Variants in FGD6 observed in about 807,000 individuals in gnomAD.
FGD6 encodes the protein FYVE, RhoGEF and PH domain-containing protein 6.
In FGD6, 90 loss-of-function variants were observed where a neutral mutation model predicts 149.4. That is an observed-to-expected ratio of 0.60 (90% CI 0.51 to 0.72). FGD6 has a LOEUF of 0.72. Ranked by LOEUF, FGD6 falls within the 30% of genes least tolerant of loss-of-function variation. The pLI is 0.00. For missense variants in FGD6, 1,437 were observed against 1,684.8 expected (o/e 0.85, Z 2.57); for synonymous variants, 527 against 584.0 (o/e 0.90, Z 1.41).
intron 3 of FGD6, among the ~76,000 whole-genome samples, chr12:95,169,721 AAAC>A (rs1192579987): frequency 6.6e-6 from 1 of 152,224 alleles, no homozygotes; most frequent in Non-Finnish European, 1.5e-5. Context: ...CACGCAAAAC[AAAC>A]AACTAGACCA....
chr12:95,100,238 C>T (rs1878379623), intron 14 of FGD6, among the ~76,000 whole-genome samples: 2 of 152,182 alleles, frequency 1.3e-5, no homozygotes, highest in Non-Finnish European at 2.9e-5. Context: ...ACAGGGATTG[C>T]ACACCCCCAG....
At position 95,137,621 on chromosome 12, in the gene FGD6, C is replaced by T; in HGVS notation, c.2895G>A (p.Met965Ile). Reference protein sequence around the residue: ...IFVKKGPYLKMYSTYIKEFDK... With the variant: ...IFVKKGPYLKIYSTYIKEFDK... Reference sequence around the variant, plus strand: ...CAAATTCTTTGATGTATGTGGAATACATTTTTAGATATGGTCCCTTCTTTA... The same window carrying T: ...CAAATTCTTTGATGTATGTGGAATATATTTTTAGATATGGTCCCTTCTTTA... The change falls in exon 7 of 21, where the codon ATG (methionine) becomes ATA (isoleucine). Residue 965 changes from methionine (M) to isoleucine (I), a missense_variant. Met to Ile is a conservative substitution (Grantham distance 10, BLOSUM62 1). Coordinates refer to ENST00000343958, the MANE Select transcript of FGD6 (RefSeq NM_018351.4). 2 of 1,612,164 alleles carry T rather than the reference C, an allele frequency of 1.2e-6. No homozygotes were observed. The highest frequency in any genetic ancestry group is 1.3e-5 in the African/African-American group (1 of 75,000).
intron 3 of FGD6, among the ~76,000 whole-genome samples, chr12:95,157,350 T>C (rs963248025): frequency 1.2e-4 from 18 of 152,220 alleles, no homozygotes; most frequent in African/African-American, 4.3e-4. Context: ...GTGGATCACC[T>C]GAGGTCAGGA....
intron 8 of FGD6, among the ~76,000 whole-genome samples, chr12:95,133,236 G>T (rs1055192136): frequency 3.3e-5 from 5 of 152,140 alleles, no homozygotes; most frequent in Admixed American, 6.5e-5. Context: ...TGGCCAACAT[G>T]GTGAAACCCC....
chr12:95,174,691 A>C (rs1368872711), intron 2 of FGD6, among the ~76,000 whole-genome samples: 1 of 151,986 alleles, frequency 6.6e-6, no homozygotes, highest in East Asian at 1.9e-4. Context: ...CACTTTGGGA[A>C]GCTGAGGCGG....
In FGD6 at chr12:95,167,954, AG is replaced by A. The variant is rs1390902225; in HGVS notation, c.2586+4645del. 3.9e-5 allele frequency among the ~76,000 whole-genome samples: 6 copies of A among 152,270 alleles called. 1 individual carries two copies. The highest frequency in any genetic ancestry group is 3.9e-4 in the Admixed American group (6 of 15,288). On this transcript the variant is annotated intron_variant, in intron 3 of 20. Transcript: ENST00000343958. ...TTAGTTTTTGTGTATGTTGAAAGGA[AG>A]GGGGTCCAATGTCATCCTTTTGCAG...
chr12:95,118,100 C>G (rs554396406), intron 8 of FGD6, among the ~76,000 whole-genome samples: 1 of 152,210 alleles, frequency 6.6e-6, no homozygotes, highest in South Asian at 2.1e-4. Context: ...CCTGTAATCC[C>G]AGTACTTTGG....
intron 2 of FGD6, among the ~76,000 whole-genome samples, chr12:95,174,473 AC>A (rs1376514719): frequency 6.6e-6 from 1 of 152,026 alleles, no homozygotes; most frequent in Non-Finnish European, 1.5e-5. Flanking sequence ...GCCACCCACA[AC>A]CCACCGAATC....
intron 5 of FGD6, among the ~76,000 whole-genome samples, chr12:95,145,006 T>TTTTTTTTG (rs1879966924): frequency 1.5e-5 from 2 of 131,786 alleles, no homozygotes; most frequent in Non-Finnish European, 1.6e-5. Flanking sequence ...TTTTTTTTTT[T>TTTTTTTTG]GCGACAGAGT....
At chr12:95,101,769 A>G (rs1257484482) in intron 14 of FGD6, among the ~76,000 whole-genome samples, 1 of 131,114 alleles carries the variant, frequency 7.6e-6, no homozygotes, top group African/African-American at 3.0e-5. Context: ...TGCAACCTCC[A>G]CTTCCTGGGT....
intron 2 of FGD6, among the ~76,000 whole-genome samples, chr12:95,190,576 G>GA (rs1881559395): frequency 6.6e-6 from 1 of 152,018 alleles, no homozygotes; most frequent in Non-Finnish European, 1.5e-5. Context: ...CCAGGGCTCG[G>GA]AAAAAACTGT....
chr12:95,112,078 A>G (rs146225061), intron 9 of FGD6, among the ~76,000 whole-genome samples: 1,731 of 151,902 alleles, frequency 0.011, 42 homozygotes, highest in African/African-American at 0.04. Context: ...TACAAAAAAT[A>G]TAAAAATTAG....
At chr12:95,132,322 A>G (rs1436757723) in intron 8 of FGD6, among the ~76,000 whole-genome samples, 3 of 152,172 alleles carry the variant, frequency 2.0e-5, no homozygotes, top group African/African-American at 7.2e-5. Context: ...GTTAAAATCT[A>G]TTTTAGTAAA....
At chr12:95,110,134 G>A (rs1280959635) in intron 9 of FGD6, among the ~76,000 whole-genome samples, 2 of 151,546 alleles carry the variant, frequency 1.3e-5, no homozygotes, top group Admixed American at 6.6e-5. Context: ...CTGCCACCAC[G>A]TCCAGCTAAT....
At position 95,209,764 on chromosome 12, in the gene FGD6, G is replaced by A. The variant is rs2056714303; in HGVS notation, c.1520C>T (p.Thr507Ile). 1.2e-6 allele frequency: 2 copies of A among 1,613,874 alleles called. No homozygotes were observed. The highest frequency in any genetic ancestry group is 1.7e-6 in the Non-Finnish European group (2 of 1,179,984). ...GGAGGCAGCCTTTTTAAGCACTCCT[G>A]TAGCAGGCAAGCTATGTCTTTGAGG... is the stretch of plus-strand genomic sequence containing the variant. ...KKPQRHSLPA[T>I]GVLKKAASEE... The change falls in exon 2 of 21, where the codon ACA becomes ATA. Residue 507 changes from threonine (T) to isoleucine (I), a missense_variant. Transcript: ENST00000343958.
chr12:95,162,936 C>G (rs1880689831), intron 3 of FGD6, among the ~76,000 whole-genome samples: 1 of 152,180 alleles, frequency 6.6e-6, no homozygotes, highest in African/African-American at 2.4e-5. Flanking sequence ...ACCTCTTGCC[C>G]TCACTATTAC....
At chr12:95,168,042 C>A (rs1305924602) in intron 3 of FGD6, among the ~76,000 whole-genome samples, 5 of 142,804 alleles carry the variant, frequency 3.5e-5, no homozygotes, top group Non-Finnish European at 6.0e-5. Context: ...TTAAAAAAAA[C>A]ATTTTGACTT....
intron 16 of FGD6, 105 bp from the exon 17 acceptor site, chr12:95,091,914 T>C (rs981488188): frequency 5.2e-5 from 43 of 826,278 alleles, no homozygotes; most frequent in Non-Finnish European, 8.1e-5. Context: ...TTCAAAACAG[T>C]TTCAGAGTCA....
At chr12:95,096,931 C>T (rs1286041410) in intron 14 of FGD6, among the ~76,000 whole-genome samples, 1 of 152,166 alleles carries the variant, frequency 6.6e-6, no homozygotes, top group Non-Finnish European at 1.5e-5. Context: ...GGCTCCTCAC[C>T]AGAAGAGTAA....
Sources: allele counts gnomAD v4.1 joint callset (sites outside exome capture counted in the v4.1 genomes callset), GRCh38; gene constraint gnomAD v4.1.1; transcripts MANE v1.5; gene names NCBI Gene and HGNC (gene_info 2026-07-23, HGNC 2026-07-21).